The following SYT3 variants were observed in gnomAD, a reference collection of about 807,000 sequenced individuals.
The protein encoded by SYT3 is synaptotagmin-3.
Under a neutral mutation model 50.6 loss-of-function variants are expected in SYT3, and 25 were observed. That is an observed-to-expected ratio of 0.49 (90% CI 0.36 to 0.69). The LOEUF is 0.69. Among genes scored for constraint, SYT3 ranks in the 30% least tolerant of loss-of-function variants. SYT3 has a pLI of 0.00. For synonymous variants in SYT3, 323 were observed against 353.9 expected (o/e 0.91, Z 0.98); for missense variants, 589 against 793.6 (o/e 0.74, Z 3.10).
chr19:50,657,461 G>A, the SYT3 span, among the ~76,000 whole-genome samples: 2 of 152,138 alleles, frequency 1.3e-5, no homozygotes, highest in African/African-American at 2.4e-5. Flanking sequence ...TGCTAATCAC[G>A]TGATGCAACT....
chr19:50,625,061 T>A lies in SYT3; in HGVS notation c.1707+101A>T. 7.8e-7 allele frequency: 1 copy of A among 1,277,296 alleles called. No individual in the cohort carries two copies. Among genetic ancestry groups the A allele is most frequent in the Non-Finnish European group, 1.0e-6 (1 of 986,870 alleles). 79.1% of individuals were successfully genotyped at this position (1,277,296 alleles called of 1,614,324 possible). Reference sequence around the variant, plus strand: ...AGCAGGGATTGAAACCTAGGACGCCTGGCTCTGCGACTCACGAACATGCAG... The same window carrying A: ...AGCAGGGATTGAAACCTAGGACGCCAGGCTCTGCGACTCACGAACATGCAG... On this transcript the variant is annotated intron_variant, in intron 9 of 10. Coordinates refer to ENST00000600079, the MANE Select transcript of SYT3 (RefSeq NM_001160329.2). The surrounding 1 kb of genome is among the most constrained non-coding windows in gnomAD (Gnocchi z 7.5).
rs184090671 is a variant in SYT3, at chr19:50,629,907, C to A, written c.939G>T (p.Ser313=). 26 of 1,613,948 alleles carry A rather than the reference C, an allele frequency of 1.6e-5. No homozygotes were observed. The highest frequency in any genetic ancestry group is 1.9e-5 in the Non-Finnish European group (23 of 1,179,998). The change falls in exon 5 of 11, where the codon TCG becomes TCT. Residue 313 remains serine, a synonymous_variant. Transcript: ENST00000600079. ...GCAGGATCCTCACCACCAGCTGGTC[C>A]GAGCCATAGAGGTACCGCAGGGCGA... ...ISFALRYLYG[S]DQLVVRILQA... is the part of the protein sequence containing the mutation.
At position 50,625,350 on chromosome 19, in the gene SYT3, C is replaced by T. The variant is rs1465853353; in HGVS notation, c.1574+43G>A. ...GGGTGGTGGGAGGGCCTGTCCCCAC[C>T]CCAGCCCTCCTGCCTGACCCCCGCC... On this transcript the variant is annotated intron_variant, in intron 8 of 10. Transcript: ENST00000600079. The surrounding 1 kb of genome is among the most constrained non-coding windows in gnomAD (Gnocchi z 7.5). The T allele has an allele frequency of 3.9e-6, 6 of 1,539,654 alleles. No individual in the cohort carries two copies. Among genetic ancestry groups the T allele is most frequent in the Non-Finnish European group, 4.4e-6 (5 of 1,144,342 alleles).
At chr19:50,649,887 C>G in the SYT3 span, 1 of 461,020 alleles carries the variant, frequency 2.2e-6, no homozygotes. Flanking sequence ...TCAAATGGCC[C>G]CACCGCCAAC....
At chr19:50,642,388 G>A (rs1222983371), upstream of SYT3, among the ~76,000 whole-genome samples, 2 of 152,256 alleles carry the variant, frequency 1.3e-5, no homozygotes, top group Non-Finnish European at 2.9e-5. Flanking sequence ...AGAGGCAGCC[G>A]TAGTGCACTG....
the SYT3 span, among the ~76,000 whole-genome samples, chr19:50,645,586 C>T: frequency 6.6e-6 from 1 of 152,090 alleles, no homozygotes; most frequent in African/African-American, 2.4e-5. Flanking sequence ...AATACAGAAA[C>T]CTGTGATACA....
At chr19:50,650,682 C>CA in the SYT3 span, among the ~76,000 whole-genome samples, 10 of 151,886 alleles carry the variant, frequency 6.6e-5, no homozygotes, top group Admixed American at 5.2e-4. Context: ...AAAAACAAAA[C>CA]AAACAAACAA....
chr19:50,649,831 C>A, the SYT3 span: 1 of 504,280 alleles, frequency 2.0e-6, no homozygotes, highest in South Asian at 1.5e-5. Context: ...ACCCTGAGCT[C>A]AGCATCTTCC....
In SYT3 at chr19:50,625,054, G is replaced by T; in HGVS notation, c.1707+108C>A. The stretch of plus-strand genomic sequence containing the variant: ...TTGGCACAGCAGGGATTGAAACCTA[G>T]GACGCCTGGCTCTGCGACTCACGAA... On this transcript the variant is annotated intron_variant, in intron 9 of 10. Transcript: ENST00000600079. The surrounding 1 kb of genome is among the most constrained non-coding windows in gnomAD (Gnocchi z 7.5). The T allele has an allele frequency of 8.1e-7, 1 of 1,229,280 alleles. No individual in the cohort carries two copies. Among genetic ancestry groups the T allele is most frequent in the Non-Finnish European group, 1.1e-6 (1 of 946,842 alleles). 76.1% of individuals were successfully genotyped at this position (1,229,280 alleles called of 1,614,324 possible).
At position 50,629,335 on chromosome 19, in the gene SYT3, G is replaced by A; in HGVS notation, c.1240C>T (p.Pro414Ser). The change falls in exon 6 of 11, where the codon CCT becomes TCT. Residue 414 changes from proline to serine, a missense_variant. Coordinates refer to ENST00000600079, the MANE Select transcript of SYT3 (RefSeq NM_001160329.2). The stretch of plus-strand genomic sequence containing the variant: ...ATGTCCCTCCAGAGCGGGCGGTCAG[G>A]GGGCTGCTCGGCCAGCTCCAGGAGG... The part of the protein sequence containing the change: ...DNLLELAEQP[P>S]DRPLWRDIVE... 1 of 1,612,902 alleles carries A rather than the reference G, an allele frequency of 6.2e-7. No homozygotes were observed.
chr19:50,640,738 C>CA (rs1159903186), upstream of SYT3, among the ~76,000 whole-genome samples: 4 of 152,180 alleles, frequency 2.6e-5, no homozygotes, highest in South Asian at 6.2e-4. Context: ...AAAAAAATCA[C>CA]AAAAAAATCT....
At chr19:50,644,722 GAAAT>G (rs112275507), upstream of SYT3, among the ~76,000 whole-genome samples, 80 of 151,980 alleles carry the variant, frequency 5.3e-4, no homozygotes, top group African/African-American at 1.8e-3. Context: ...GGATGCTGCA[GAAAT>G]AAATAAAGGG....
the SYT3 span, among the ~76,000 whole-genome samples, chr19:50,651,525 G>C: frequency 1.3e-5 from 2 of 151,938 alleles, no homozygotes; most frequent in African/African-American, 4.8e-5. Flanking sequence ...TTCATCTCTT[G>C]GTCCCCAGCA....
At chr19:50,626,847 G>C (rs184198349) in intron 6 of SYT3, among the ~76,000 whole-genome samples, 390 of 152,042 alleles carry the variant, frequency 2.6e-3, no homozygotes, top group Non-Finnish European at 4.6e-3. Context: ...GGTGCATAAA[G>C]ACCCAGAGAG....
At chr19:50,630,286 A>G in intron 4 of SYT3, 115 bp from the exon 5 acceptor site, 1 of 1,089,404 alleles carries the variant, frequency 9.2e-7, no homozygotes, top group Non-Finnish European at 1.3e-6. Flanking sequence ...CCAGGTGGCC[A>G]CAAGTCCCCT....
chr19:50,651,723 T>C, the SYT3 span, among the ~76,000 whole-genome samples: 159 of 152,144 alleles, frequency 1.0e-3, no homozygotes, highest in Non-Finnish European at 1.7e-3. Context: ...AAAAAAAAGC[T>C]TGAAATGGTT....
chr19:50,625,778 GAGT>G lies in SYT3; in HGVS notation c.1402+116_1402+118del. ...CTGGCCCCTCCTCCCTCAGACCCAG[GAGT>G]CCAGATCCCCAGCTCCTCCTCCCTC... On this transcript the variant is annotated intron_variant, in intron 7 of 10. Transcript: ENST00000600079. This position sits in a 1 kb window ranked among gnomAD's most constrained non-coding sequence, Gnocchi z 7.5. The G allele has an allele frequency of 3.2e-4, 187 of 583,740 alleles. 58 individuals are homozygous for G. Among genetic ancestry groups the G allele is most frequent in the Middle Eastern group, 9.5e-4 (2 of 2,110 alleles). The allele number at this position is 583,740 out of a possible 1,614,324, so 36.2% of individuals were successfully genotyped here.
chr19:50,655,050 T>C, the SYT3 span, among the ~76,000 whole-genome samples: 1 of 152,168 alleles, frequency 6.6e-6, no homozygotes, highest in Non-Finnish European at 1.5e-5. Flanking sequence ...GCAGTAATCT[T>C]TTAAGCAAAT....
rs1202834937 is a variant in SYT3 at position 50,626,034 on chromosome 19, G to A, written c.1282-17C>T. 3 of 1,611,880 alleles carry A rather than the reference G, an allele frequency of 1.9e-6. No homozygotes were observed. The highest frequency in any genetic ancestry group is 2.7e-5 in the African/African-American group (2 of 74,890). The stretch of plus-strand genomic sequence containing the variant: ...TGCTTTTTCCTGCAGTTGGGGAAAA[G>A]GTCAGCGATATCTTGCCTCAGCCCC... On this transcript the variant is annotated splice_polypyrimidine_tract_variant and intron_variant, in intron 6 of 10. Transcript: ENST00000600079.
Sources: allele counts gnomAD v4.1 joint callset (sites outside exome capture counted in the v4.1 genomes callset), GRCh38; gene constraint gnomAD v4.1.1; non-coding constraint Gnocchi (gnomAD v3.1); transcripts MANE v1.5; gene names NCBI Gene and HGNC (gene_info 2026-07-23, HGNC 2026-07-21).